CTU2: variants seen among roughly 807,000 people sequenced by gnomAD.
The protein encoded by CTU2 is cytoplasmic tRNA 2-thiolation protein 2.
CTU2 carries 80 observed loss-of-function variants against 64.1 expected under a neutral mutation model. That is an observed-to-expected ratio of 1.25 (90% confidence interval 1.04 to 1.50). The LOEUF (loss-of-function observed/expected upper bound fraction) is 1.50, where lower values mean the gene tolerates loss of function less well. CTU2 is among the 40% of genes most tolerant of loss of function. The probability of loss-of-function intolerance (pLI) is 0.00; values close to 1 mark genes in which losing one functional copy is unlikely to be tolerated. For missense variants in CTU2, 1,110 were observed against 690.2 expected (o/e 1.61, Z -6.81); for synonymous variants, 482 against 285.3 (o/e 1.69, Z -6.95).
chr16:88,706,579 C>G lies in CTU2; in HGVS notation c.49C>G (p.Pro17Ala), dbSNP rs954349089. 6.9e-6 allele frequency: 10 copies of G among 1,451,036 alleles called. No individual in the cohort carries two copies. Among genetic ancestry groups the G allele is most frequent in the African/African-American group, 1.5e-5 (1 of 67,216 alleles). 89.9% of individuals were successfully genotyped at this position (1,451,036 alleles called of 1,614,324 possible). A position where few individuals can be genotyped will look rare whatever the true frequency, so the allele number is the denominator to read the frequency against. ...DYGEPAPEEP[P>A]PAPRPSREQK... The stretch of plus-strand genomic sequence containing the variant: ...CGGGGAGCCGGCGCCTGAGGAGCCG[C>G]CCCCGGCGCCGCGGCCCAGGTAAGA... Residue 17 changes from proline to alanine, a missense_variant, in exon 1 of 15, where the codon CCC (proline) becomes GCC (alanine). Physicochemically the swap from Pro to Ala is conservative, Grantham distance 27. Transcript: ENST00000453996.
chr16:88,714,080 C>G (rs74880807), intron 9 of CTU2, 56 bp from the exon 10 acceptor site: 66,758 of 1,550,950 alleles, frequency 0.043, 1,842 homozygotes, highest in Non-Finnish European at 0.052. Context: ...GGACTCTGCC[C>G]CAGCCTGGGG....
chr16:88,710,669 G>A (rs1229168351), intron 4 of CTU2: 1 of 227,070 alleles, frequency 4.4e-6, no homozygotes, highest in South Asian at 6.8e-5. Context: ...GGTCCAGAGT[G>A]CGTGTGTGCG....
At chr16:88,708,561 C>T (rs879451153) in intron 2 of CTU2, among the ~76,000 whole-genome samples, 2 of 152,264 alleles carry the variant, frequency 1.3e-5, no homozygotes, top group Admixed American at 6.5e-5. Context: ...GGGGTCACTT[C>T]CCATGTCCCA....
chr16:88,712,602 C>T lies in CTU2; in HGVS notation c.454-20C>T, dbSNP rs371079680. The T allele has an allele frequency of 6.1e-5, 98 of 1,603,936 alleles. No homozygotes were observed. The highest frequency in any genetic ancestry group is 7.3e-5 in the Non-Finnish European group (86 of 1,175,916). ...CTGCCCGTGTCCCGGGCCTCACTGG[C>T]GTCTCCCTCATCCCGGAAGGTGTTC... On this transcript the variant is annotated intron_variant, in intron 6 of 14. Coordinates refer to ENST00000453996, the MANE Select transcript of CTU2 (RefSeq NM_001012759.3).
rs199672303 is a variant in CTU2, at chr16:88,712,818, C to G, written c.650C>G (p.Pro217Arg). Residue 217 changes from proline (P) to arginine (R), a missense_variant, in exon 7 of 15, where the codon CCT becomes CGT. Coordinates refer to ENST00000453996, the MANE Select transcript of CTU2 (RefSeq NM_001012759.3). ...PLDPQNLARP[P>R]APAQTEALSQ... ...GACCCCCAGAACCTGGCAAGACCGC[C>G]TGCCCCTGCCCAGACTGAGGCTCTT... 3.1e-6 allele frequency: 5 copies of G among 1,599,264 alleles called. No individual in the cohort carries two copies. The East Asian group carries it at 8.9e-5, about 29-fold the overall frequency.
At chr16:88,710,376 GC>G in intron 4 of CTU2, 94 bp downstream of exon 4, 1 of 1,352,858 alleles carries the variant, frequency 7.4e-7, no homozygotes, top group Non-Finnish European at 1.0e-6. Flanking sequence ...CTTGGTTGGG[GC>G]TAGAGAGCAG....
At chr16:88,714,333 G>A in intron 10 of CTU2, 50 bp from the exon 11 acceptor site, 1 of 1,603,176 alleles carries the variant, frequency 6.2e-7, no homozygotes, top group Non-Finnish European at 8.5e-7. Flanking sequence ...GGCTTAGGGT[G>A]GAGCCCCAGC....
At chr16:88,709,794 C>G in intron 2 of CTU2, 144 bp from the exon 3 acceptor site, 2 of 745,298 alleles carry the variant, frequency 2.7e-6, no homozygotes, top group Non-Finnish European at 4.6e-6. Context: ...GCCCCTTTCA[C>G]CAGTCTCTGG....
At chr16:88,708,406 C>G (rs772694412) in intron 2 of CTU2, among the ~76,000 whole-genome samples, 11 of 152,162 alleles carry the variant, frequency 7.2e-5, no homozygotes, top group Non-Finnish European at 1.3e-4. Context: ...GGAGCCCAGA[C>G]GCAGCATGTA....
Position 88,715,102 on chromosome 16 carries a change from C to T in CTU2, c.1474C>T (p.Gln492Ter), listed in dbSNP as rs1911847313. ...CCTGGCTGAGGCCCAGCTCCGCACA[C>T]AGAGGTACTGGGGCCCACACTGCCG... ...YILAEAQLRT[Q>*]RAWGLQEIRD... Residue 492 changes from glutamine to a stop codon, truncating the protein, a stop_gained, in exon 14 of 15, where the codon CAG becomes TAG. Transcript: ENST00000453996. LOFTEE classifies it low-confidence loss of function (END_TRUNC). The T allele has an allele frequency of 6.3e-7, 1 of 1,587,792 alleles. No homozygotes were observed. The highest frequency in any genetic ancestry group is 8.6e-7 in the Non-Finnish European group (1 of 1,166,438).
rs1182073959 is a variant in CTU2, at chr16:88,714,284, G to A, written c.1097+57G>A. ...GCGCGGGTGTGTGCTGTGCGCGGGT[G>A]TGTGCGGGTGGTGAGCTCACCACTC... On this transcript the variant is annotated intron_variant, in intron 10 of 14. Coordinates refer to ENST00000453996, the MANE Select transcript of CTU2 (RefSeq NM_001012759.3). The A allele has an allele frequency of 1.4e-5, 22 of 1,593,524 alleles. No homozygotes were observed. In the Admixed American group the frequency reaches 1.5e-4, roughly 11 times the overall value.
In CTU2 at chr16:88,714,207, C is replaced by T. The variant is rs1305889424; in HGVS notation, c.1077C>T (p.Ser359=). ...TCAGGCTGCAGACCCAGTTCCCCTC[C>T]ACTGTCAGCACTGTGTACAGGTGTG... ...FILRLQTQFP[S]TVSTVYRTSE... The change falls in exon 10 of 15, where the codon TCC becomes TCT. Residue 359 remains serine (S), a synonymous_variant. Coordinates refer to ENST00000453996, the MANE Select transcript of CTU2 (RefSeq NM_001012759.3). 25 of 1,604,812 alleles carry T rather than the reference C, an allele frequency of 1.6e-5. No individual in the cohort carries two copies. The highest frequency in any genetic ancestry group is 2.0e-5 in the Non-Finnish European group (24 of 1,177,994).
In CTU2 at chr16:88,714,622, C is replaced by G. The variant is rs761261856; in HGVS notation, c.1237C>G (p.Arg413Gly). The G allele has an allele frequency of 2.5e-6, 4 of 1,612,546 alleles. No homozygotes were observed. In the African/African-American group the frequency reaches 5.3e-5, roughly 22 times the overall value. ...GGCTTTTGGGGCTCAGACCTCCTCG[C>G]GTCTCTCCCAGATGCAGTCACCCAT... ...ATAFGAQTSS[R>G]LSQMQSPIPL... is the part of the protein sequence containing the mutation. The change falls in exon 12 of 15, where the codon CGT (arginine) becomes GGT (glycine). Residue 413 changes from arginine to glycine, a missense_variant. Coordinates refer to ENST00000453996, the MANE Select transcript of CTU2 (RefSeq NM_001012759.3).
rs940969029 is a variant in CTU2, at chr16:88,708,335, C to T, written c.143+1125C>T. On this transcript the variant is annotated intron_variant, in intron 2 of 14. Coordinates refer to ENST00000453996, the MANE Select transcript of CTU2 (RefSeq NM_001012759.3). ...CGAGCTGGGATCCCCAGGGATCATT[C>T]AGGTCAGCACGTGGGAGAAACCTTG... Among the ~76,000 whole-genome samples, 6 of 152,294 alleles carry T rather than the reference C, an allele frequency of 3.9e-5. No individual in the cohort carries two copies. In the East Asian group the frequency reaches 1.2e-3, roughly 29 times the overall value.
Position 88,714,270 on chromosome 16 carries a change from TGCTGTGCGCG to T in CTU2, c.1097+45_1097+54del, listed in dbSNP as rs760304237. On this transcript the variant is annotated intron_variant, in intron 10 of 14. Coordinates refer to ENST00000453996, the MANE Select transcript of CTU2 (RefSeq NM_001012759.3). ...TGTGTGCGGGGGGTGCGCGGGTGTGTGCTGTGCGCGGGTGTGTGCGGGTGGTGAGCTCACC... is the reference window on the plus strand; with the variant it reads ...TGTGTGCGGGGGGTGCGCGGGTGTGTGGTGTGTGCGGGTGGTGAGCTCACC... The T allele has an allele frequency of 1.4e-4, 227 of 1,594,738 alleles. 4 individuals are homozygous for T. The highest frequency in any genetic ancestry group is 9.9e-4 in the Admixed American group (59 of 59,664).
chr16:88,707,597 C>G (rs781093876), intron 2 of CTU2, among the ~76,000 whole-genome samples: 39 of 152,184 alleles, frequency 2.6e-4, no homozygotes, highest in Non-Finnish European at 4.6e-4. Flanking sequence ...TTTTTAATCT[C>G]GTGTGAGATG....
chr16:88,715,066 CCGCCGTACATCCTGG>C lies in CTU2; in HGVS notation c.1440_1454del (p.Pro481_Ala485del), dbSNP rs1166734406. 6.4e-7 allele frequency: 1 copy of C among 1,572,194 alleles called. No individual in the cohort carries two copies. Among genetic ancestry groups the C allele is most frequent in the East Asian group, 2.3e-5 (1 of 44,402 alleles). ...GTTGCAGCCCTCACTGGACCCCCTG[CCGCCGTACATCCTGG>C]CTGAGGCCCAGCTCCGCACACAGAG... On this transcript the variant is annotated inframe_deletion, in exon 14 of 15. Transcript: ENST00000453996.
chr16:88,712,058 C>T lies in CTU2; in HGVS notation c.344-216C>T, dbSNP rs758633792. 5.8e-6 allele frequency: 4 copies of T among 683,910 alleles called. No homozygotes were observed. The South Asian group carries it at 6.1e-5, about 10-fold the overall frequency. The allele number at this position is 683,910 out of a possible 1,614,324, so 42.4% of individuals were successfully genotyped here. A position where few individuals can be genotyped will look rare whatever the true frequency, so the allele number is the denominator to read the frequency against. On this transcript the variant is annotated intron_variant, in intron 5 of 14. Transcript: ENST00000453996. ...GCCGACTCCCCGACCCTTGCTCCTG[C>T]AGAACGAACTCCTGGGGTGTTGACT...
chr16:88,710,475 T>C (rs1243408821), intron 4 of CTU2, 193 bp downstream of exon 4: 2 of 594,208 alleles, frequency 3.4e-6, no homozygotes, highest in South Asian at 2.1e-5. Context: ...AGTGTGTGTG[T>C]GCGGCCCACT....
Sources: gnomAD v4.1 joint callset for allele counts (sites outside exome capture counted in the v4.1 genomes callset) on GRCh38, gnomAD v4.1.1 for gene constraint, MANE v1.5 for transcripts, NCBI Gene and HGNC (gene_info 2026-07-23, HGNC 2026-07-21) for gene names.